BRINP3: variants seen among roughly 807,000 people sequenced by gnomAD.
BRINP3 encodes BMP/retinoic acid inducible neural specific 3.
Under a neutral mutation model 71.0 loss-of-function variants are expected in BRINP3, and 19 were observed. That is an observed-to-expected ratio of 0.27 (90% CI 0.19 to 0.39). The LOEUF (loss-of-function observed/expected upper bound fraction) is 0.39, where lower values mean the gene tolerates loss of function less well. BRINP3 is among the 10% of genes least tolerant of loss of function. The probability of loss-of-function intolerance (pLI) is 1.00; values close to 1 mark genes in which losing one functional copy is unlikely to be tolerated. For missense variants in BRINP3, 959 were observed against 940.8 expected (o/e 1.02, Z -0.25); for synonymous variants, 380 against 337.7 (o/e 1.13, Z -1.37).
intron 2 of BRINP3, among the ~76,000 whole-genome samples, chr1:190,448,024 C>A (rs1675343491): frequency 6.6e-6 from 1 of 151,552 alleles, no homozygotes; most frequent in Non-Finnish European, 1.5e-5. Context: ...GTAAGACCAT[C>A]CTAAAATAAT....
chr1:190,361,808 C>A (rs978111028), intron 2 of BRINP3, among the ~76,000 whole-genome samples: 4 of 152,102 alleles, frequency 2.6e-5, no homozygotes, highest in African/African-American at 9.7e-5. Flanking sequence ...ACTTCATCAT[C>A]CACAAAGTAG....
At chr1:190,455,213 C>A (rs1301947423) in intron 1 of BRINP3, among the ~76,000 whole-genome samples, 1 of 151,876 alleles carries the variant, frequency 6.6e-6, no homozygotes, top group Non-Finnish European at 1.5e-5. Context: ...GCCTATTGAG[C>A]AAAAATCAGA....
chr1:190,446,313 G>T (rs1395833082), intron 2 of BRINP3, among the ~76,000 whole-genome samples: 2 of 151,944 alleles, frequency 1.3e-5, no homozygotes, highest in Non-Finnish European at 2.9e-5. Context: ...TCACTACCTA[G>T]AATACTCCTC....
At chr1:190,249,854 C>CA (rs1350019679) in intron 4 of BRINP3, among the ~76,000 whole-genome samples, 1 of 151,688 alleles carries the variant, frequency 6.6e-6, no homozygotes, top group Non-Finnish European at 1.5e-5. Flanking sequence ...AATTTCTTAC[C>CA]AAAACCTCTA....
intron 7 of BRINP3, among the ~76,000 whole-genome samples, chr1:190,114,526 C>CTCTGTGTG (rs1553242353): frequency 7.0e-6 from 1 of 143,052 alleles, no homozygotes; most frequent in African/African-American, 2.5e-5. Context: ...AAGTTTGCCA[C>CTCTGTGTG]TGTGTGTGTG....
At chr1:190,159,425 T>C (rs1287809704) in intron 7 of BRINP3, among the ~76,000 whole-genome samples, 4 of 152,094 alleles carry the variant, frequency 2.6e-5, no homozygotes, top group Non-Finnish European at 1.5e-5. Flanking sequence ...TGAATGTTTA[T>C]AGAAGCATTA....
In BRINP3 at chr1:190,281,641, G is replaced by A. The variant is rs1421033267; in HGVS notation, c.346C>T (p.Arg116Cys). 1.9e-6 allele frequency: 3 copies of A among 1,612,980 alleles called. No homozygotes were observed. Among genetic ancestry groups the A allele is most frequent in the Non-Finnish European group, 2.5e-6 (3 of 1,179,336 alleles). The change falls in exon 3 of 8, where the codon CGT becomes TGT. Residue 116 changes from arginine to cysteine, a missense_variant. Arg to Cys is a radical substitution (Grantham distance 180, BLOSUM62 -3). Coordinates refer to ENST00000367462, the MANE Select transcript of BRINP3 (RefSeq NM_199051.3). The stretch of plus-strand genomic sequence containing the variant: ...GTGATTTGCTGAAGGGTAGGTCGAC[G>A]TCCCAAAAGTCTTATGTTGCGGAAG... Reference protein sequence around the residue: ...EFFRNIRLLGRRPTLQQITEN... With the variant: ...EFFRNIRLLGCRPTLQQITEN...
chr1:190,115,670 GT>G (rs879740790), intron 7 of BRINP3, among the ~76,000 whole-genome samples: 8 of 152,126 alleles, frequency 5.3e-5, no homozygotes, highest in Non-Finnish European at 1.0e-4. Context: ...AACCTCAGTG[GT>G]TTTTGGATAC....
In BRINP3 at chr1:190,140,109, T is replaced by C. The variant is rs565026662; in HGVS notation, c.1184+20559A>G. Among the ~76,000 whole-genome samples, 48 of 152,272 alleles carry C rather than the reference T, an allele frequency of 3.2e-4. 1 individual carries two copies. Among genetic ancestry groups the C allele is most frequent in the Non-Finnish European group, 6.3e-4 (43 of 68,012 alleles). On this transcript the variant is annotated intron_variant, in intron 7 of 7. Coordinates refer to ENST00000367462, the MANE Select transcript of BRINP3 (RefSeq NM_199051.3). ...AAACATCTATAGCAAATAGTGGAAA[T>C]AGGTTAAAAATATTTTAGGAAAAAA...
chr1:190,164,393 C>T (rs1038831104), intron 6 of BRINP3, among the ~76,000 whole-genome samples: 6 of 152,040 alleles, frequency 3.9e-5, no homozygotes, highest in Admixed American at 1.3e-4. Context: ...AAGCTGCTGT[C>T]ATTGGTAAGC....
Position 190,457,103 on chromosome 1 carries a change from T to C in BRINP3, c.-50-2163A>G, listed in dbSNP as rs144449911. Among the ~76,000 whole-genome samples, 257 of 152,184 alleles carry C rather than the reference T, an allele frequency of 1.7e-3. 1 individual carries two copies. Among genetic ancestry groups the C allele is most frequent in the African/African-American group, 6.0e-3 (248 of 41,522 alleles). Reference sequence around the variant, plus strand: ...ATATAACGTCAAGAGACAATATTCATAGTGGTTAAAAAAATGGACTCTAGA... The same window carrying C: ...ATATAACGTCAAGAGACAATATTCACAGTGGTTAAAAAAATGGACTCTAGA... On this transcript the variant is annotated intron_variant, in intron 1 of 7. Transcript: ENST00000367462.
At chr1:190,163,791 C>T (rs1393592800) in intron 6 of BRINP3, among the ~76,000 whole-genome samples, 1 of 151,918 alleles carries the variant, frequency 6.6e-6, no homozygotes, top group Non-Finnish European at 1.5e-5. Context: ...GTTTGTTGTG[C>T]CTTTATCCTT....
At chr1:190,451,198 T>A (rs529995669) in intron 2 of BRINP3, among the ~76,000 whole-genome samples, 93 of 136,760 alleles carry the variant, frequency 6.8e-4, no homozygotes, top group East Asian at 1.0e-3. Flanking sequence ...AAAAAAAAAA[T>A]TTTTGTTTTG....
intron 7 of BRINP3, among the ~76,000 whole-genome samples, chr1:190,114,220 G>T (rs900927124): frequency 6.6e-6 from 1 of 152,148 alleles, no homozygotes; most frequent in South Asian, 2.1e-4. Context: ...GCCTGCTTCT[G>T]TTCTGCCTTC....
intron 7 of BRINP3, among the ~76,000 whole-genome samples, chr1:190,154,779 A>G (rs10920653): frequency 0.22 from 33,156 of 152,088 alleles, 4,166 homozygotes; most frequent in East Asian, 0.35. Flanking sequence ...GAGGAAAATA[A>G]CTTTTGCCAT....
At chr1:190,425,181 C>T (rs1673623612) in intron 2 of BRINP3, among the ~76,000 whole-genome samples, 1 of 151,400 alleles carries the variant, frequency 6.6e-6, no homozygotes, top group African/African-American at 2.4e-5. Flanking sequence ...TTTTGGAGAA[C>T]AGAAGAAGGA....
chr1:190,314,558 T>A (rs1665754168), intron 2 of BRINP3, among the ~76,000 whole-genome samples: 1 of 152,160 alleles, frequency 6.6e-6, no homozygotes. Context: ...GCTGGACTAA[T>A]GGGGGCATTA....
At chr1:190,379,345 C>T (rs1440525954) in intron 2 of BRINP3, among the ~76,000 whole-genome samples, 1 of 152,114 alleles carries the variant, frequency 6.6e-6, no homozygotes, top group Admixed American at 6.6e-5. Context: ...GCAGGATTTA[C>T]ATTCTACTGA....
At chr1:190,189,296 T>A (rs558398182) in intron 6 of BRINP3, among the ~76,000 whole-genome samples, 1 of 152,272 alleles carries the variant, frequency 6.6e-6, no homozygotes, top group East Asian at 1.9e-4. Context: ...GACAGGAGAC[T>A]TTTTATTTTT....
Sources: gnomAD v4.1 joint callset for allele counts (sites outside exome capture counted in the v4.1 genomes callset) on GRCh38, gnomAD v4.1.1 for gene constraint, MANE v1.5 for transcripts, NCBI Gene and HGNC (gene_info 2026-07-23, HGNC 2026-07-21) for gene names.